The following ADCK2 variants were observed in gnomAD, a reference collection of about 807,000 sequenced individuals.
The protein encoded by ADCK2 is uncharacterized aarF domain-containing protein kinase 2.
A neutral mutation model predicts 52.3 loss-of-function variants in ADCK2; 37 were observed. That is an observed-to-expected ratio of 0.71 (90% confidence interval 0.54 to 0.93). The LOEUF is 0.93. ADCK2 is among the 40% of genes least tolerant of loss of function. The probability of loss-of-function intolerance (pLI) is 0.00; values close to 1 mark genes in which losing one functional copy is unlikely to be tolerated. For missense variants in ADCK2, 695 were observed against 798.7 expected, an observed-to-expected ratio of 0.87 and a Z score of 1.56; for synonymous variants, 321 against 349.2, an observed-to-expected ratio of 0.92 and a Z score of 0.90.
intron 3 of ADCK2, 134 bp from the exon 4 acceptor site, chr7:140,680,908 G>T: frequency 1.4e-6 from 1 of 740,556 alleles, no homozygotes; most frequent in Non-Finnish European, 2.3e-6. Flanking sequence ...TGACAGATGG[G>T]TTCTAGGAAA....
chr7:140,673,624 C>T lies in ADCK2; in HGVS notation c.294C>T (p.Arg98=), dbSNP rs910132987. 1.2e-6 allele frequency: 2 copies of T among 1,609,526 alleles called. No homozygotes were observed. The highest frequency in any genetic ancestry group is 1.3e-5 in the African/African-American group (1 of 74,942). The change falls in exon 1 of 8, where the codon CGC becomes CGT. Residue 98 remains arginine, a synonymous_variant. Transcript: ENST00000072869. The surrounding 1 kb of genome is among the most constrained non-coding windows in gnomAD (Gnocchi z 6.4). ...GPLGGVFLHL[R]LWLRAGALLV... Reference sequence around the variant, plus strand: ...TGGGCGGCGTCTTCCTGCATCTCCGCCTCTGGCTTCGCGCCGGCGCTCTGT... The same window carrying T: ...TGGGCGGCGTCTTCCTGCATCTCCGTCTCTGGCTTCGCGCCGGCGCTCTGT...
intron 3 of ADCK2, 54 bp from the exon 4 acceptor site, chr7:140,680,988 C>T: frequency 1.3e-6 from 2 of 1,534,354 alleles, no homozygotes; most frequent in Non-Finnish European, 1.8e-6. Context: ...GGAGGAGGAG[C>T]CAGCATCACA....
intron 7 of ADCK2, among the ~76,000 whole-genome samples, chr7:140,692,506 T>G (rs1180361042): frequency 6.6e-6 from 1 of 152,188 alleles, no homozygotes; most frequent in Non-Finnish European, 1.5e-5. Context: ...TACAGGCAAG[T>G]GCCACCATGC....
intron 2 of ADCK2, among the ~76,000 whole-genome samples, chr7:140,676,045 T>TGTTAGA (rs1794407741): frequency 6.6e-6 from 1 of 152,222 alleles, no homozygotes; most frequent in Non-Finnish European, 1.5e-5. Flanking sequence ...TTAGAAAGTC[T>TGTTAGA]CTTAGTCTGT....
intron 3 of ADCK2, 22 bp from the exon 4 acceptor site, chr7:140,681,020 T>G: frequency 6.2e-7 from 1 of 1,610,580 alleles, no homozygotes; most frequent in Non-Finnish European, 8.5e-7. Flanking sequence ...ATTAAGCTGT[T>G]CTCTCCCTGG....
At position 140,685,265 on chromosome 7, in the gene ADCK2, G is replaced by A. The variant is rs149979171; in HGVS notation, c.1306-1725G>A. ...GGAGTCTGAGACTAGCCTGGCCAAC[G>A]TGGTGAAACCCCGTCTCTACTAAAA... On this transcript the variant is annotated intron_variant, in intron 4 of 7. Coordinates refer to ENST00000072869, the MANE Select transcript of ADCK2 (RefSeq NM_052853.4). 9.2e-3 allele frequency among the ~76,000 whole-genome samples: 1,401 copies of A among 151,908 alleles called. 25 individuals carry two copies. Among genetic ancestry groups the A allele is most frequent in the African/African-American group, 0.031 (1,304 of 41,430 alleles).
chr7:140,685,221 G>A (rs574758234), intron 4 of ADCK2, among the ~76,000 whole-genome samples: 52 of 152,240 alleles, frequency 3.4e-4, no homozygotes, highest in African/African-American at 1.2e-3. Context: ...GGCTGAGGCC[G>A]GCCGATCACT....
At chr7:140,690,172 C>A (rs187560869) in intron 6 of ADCK2, among the ~76,000 whole-genome samples, 132 of 152,290 alleles carry the variant, frequency 8.7e-4, no homozygotes, top group Non-Finnish European at 1.6e-3. Context: ...CACTGGCACG[C>A]TGGCCCTGCT....
chr7:140,685,264 C>T (rs1794586117), intron 4 of ADCK2, among the ~76,000 whole-genome samples: 2 of 151,978 alleles, frequency 1.3e-5, no homozygotes, highest in African/African-American at 4.8e-5. Context: ...GCCTGGCCAA[C>T]GTGGTGAAAC....
intron 7 of ADCK2, 139 bp downstream of exon 7, chr7:140,690,952 G>C: frequency 1.2e-6 from 1 of 803,684 alleles, no homozygotes; most frequent in East Asian, 2.6e-5. Flanking sequence ...TTGAGACAGA[G>C]TCTCACTCTG....
intron 4 of ADCK2, among the ~76,000 whole-genome samples, chr7:140,681,373 G>A (rs2930319): frequency 0.3 from 45,494 of 151,074 alleles, 10,761 homozygotes; most frequent in African/African-American, 0.67. Context: ...GCTGGAGTGC[G>A]GTGGCGTGAT....
chr7:140,692,347 T>C (rs1309848652), intron 7 of ADCK2, among the ~76,000 whole-genome samples: 1 of 152,248 alleles, frequency 6.6e-6, no homozygotes, highest in African/African-American at 2.4e-5. Flanking sequence ...GTTTCATCCA[T>C]GTTGTAACAT....
At chr7:140,683,480 G>A (rs1269045616) in intron 4 of ADCK2, among the ~76,000 whole-genome samples, 2 of 152,146 alleles carry the variant, frequency 1.3e-5, no homozygotes, top group South Asian at 2.1e-4. Context: ...CCACATGCCT[G>A]GGTCCTCCCT....
intron 2 of ADCK2, among the ~76,000 whole-genome samples, chr7:140,676,588 A>AG (rs2130780290): frequency 6.6e-6 from 1 of 152,312 alleles, no homozygotes; most frequent in African/African-American, 2.4e-5. Context: ...TGTCTTAAAA[A>AG]TCAGCTCTTC....
intron 3 of ADCK2, among the ~76,000 whole-genome samples, chr7:140,680,078 C>A (rs986237713): frequency 1.3e-5 from 2 of 152,124 alleles, no homozygotes; most frequent in Admixed American, 1.3e-4. Flanking sequence ...AGTTGCTTAA[C>A]CTCTCTGGGC....
rs758370582 is a variant in ADCK2 at position 140,673,405 on chromosome 7, C to T, written c.75C>T (p.Leu25=). 1.9e-6 allele frequency: 3 copies of T among 1,586,772 alleles called. No homozygotes were observed. The highest frequency in any genetic ancestry group is 2.6e-6 in the Non-Finnish European group (3 of 1,166,962). Residue 25 remains leucine (L), a synonymous_variant, in exon 1 of 8, where the codon CTC becomes CTT. Coordinates refer to ENST00000072869, the MANE Select transcript of ADCK2 (RefSeq NM_052853.4). This position sits in a 1 kb window ranked among gnomAD's most constrained non-coding sequence, Gnocchi z 6.4. ...HLRCFELRQG[L]SLLRPSECPR... is the part of the protein sequence containing the mutation. ...GGTGCTTCGAGCTCAGACAGGGACTCAGCCTCCTGAGGCCCTCCGAGTGCC... is the reference window on the plus strand; with the variant it reads ...GGTGCTTCGAGCTCAGACAGGGACTTAGCCTCCTGAGGCCCTCCGAGTGCC...
chr7:140,686,344 G>A (rs1794604370), intron 4 of ADCK2, among the ~76,000 whole-genome samples: 1 of 152,118 alleles, frequency 6.6e-6, no homozygotes, highest in South Asian at 2.1e-4. Flanking sequence ...GCAGTGGCAC[G>A]ATCTCGGCTC....
At chr7:140,682,577 A>G (rs1794534428) in intron 4 of ADCK2, among the ~76,000 whole-genome samples, 1 of 152,160 alleles carries the variant, frequency 6.6e-6, no homozygotes, top group African/African-American at 2.4e-5. Context: ...TTCATTTTGA[A>G]GATTTTTGCC....
chr7:140,690,122 C>T (rs1213579026), intron 6 of ADCK2, among the ~76,000 whole-genome samples: 1 of 152,234 alleles, frequency 6.6e-6, no homozygotes, highest in Non-Finnish European at 1.5e-5. Context: ...TCCCCAAGTT[C>T]ATGGCCACAT....
Sources: gnomAD v4.1 joint callset for allele counts (sites outside exome capture counted in the v4.1 genomes callset) on GRCh38, gnomAD v4.1.1 for gene constraint, Gnocchi (gnomAD v3.1) non-coding constraint, MANE v1.5 for transcripts, NCBI Gene and HGNC (gene_info 2026-07-23, HGNC 2026-07-21) for gene names.